Variants in EXOC4 observed in about 807,000 individuals in gnomAD.
EXOC4 encodes the protein exocyst complex component 4.
In EXOC4, 71 loss-of-function variants were observed where a neutral mutation model predicts 107.2. The observed-to-expected ratio is 0.66, with a 90% CI of 0.55 to 0.81. The LOEUF (loss-of-function observed/expected upper bound fraction) is 0.81, where lower values mean the gene tolerates loss of function less well. Among genes scored for constraint, EXOC4 ranks in the 30% least tolerant of loss-of-function variants. The pLI, the probability that EXOC4 is intolerant of heterozygous loss-of-function variation, is 0.00. For missense variants in EXOC4, 1,108 were observed against 1,189.6 expected, an observed-to-expected ratio of 0.93 and a Z score of 1.01; for synonymous variants, 456 against 441.2, an observed-to-expected ratio of 1.03 and a Z score of -0.42.
At chr7:133,706,317 G>T (rs772569178) in intron 10 of EXOC4, among the ~76,000 whole-genome samples, 2 of 152,084 alleles carry the variant, frequency 1.3e-5, no homozygotes, top group Non-Finnish European at 2.9e-5. Flanking sequence ...TACTTTATAA[G>T]AATTTACAAA....
Position 133,317,276 on chromosome 7 carries a change from C to T in EXOC4, c.657-8C>T, listed in dbSNP as rs1228712094. 3 of 1,601,800 alleles carry T rather than the reference C, an allele frequency of 1.9e-6. No homozygotes were observed. Among genetic ancestry groups the T allele is most frequent in the Middle Eastern group, 3.3e-4 (2 of 6,034 alleles). ...AAAGTGGTAACTAGTGCTTCTTTTC[C>T]CGTTCAGCTCCCTCGTGAAAGATGC... On this transcript the variant is annotated splice_region_variant and splice_polypyrimidine_tract_variant and intron_variant, in intron 4 of 17. Coordinates refer to ENST00000253861, the MANE Select transcript of EXOC4 (RefSeq NM_021807.4).
chr7:134,030,600 C>T (rs1795246110), intron 17 of EXOC4, among the ~76,000 whole-genome samples: 1 of 152,056 alleles, frequency 6.6e-6, no homozygotes, highest in Non-Finnish European at 1.5e-5. Context: ...GCATTTATTT[C>T]GTACAGATTT....
chr7:133,872,626 A>C (rs1798773493), intron 11 of EXOC4, among the ~76,000 whole-genome samples: 1 of 152,230 alleles, frequency 6.6e-6, no homozygotes, highest in Non-Finnish European at 1.5e-5. Context: ...AAAGAAAAAA[A>C]TGAGAAACCA....
chr7:134,023,722 A>G (rs900470706), intron 17 of EXOC4, among the ~76,000 whole-genome samples: 2 of 152,180 alleles, frequency 1.3e-5, no homozygotes, highest in African/African-American at 4.8e-5. Context: ...ATTTCAAGAA[A>G]ATGTACCACA....
chr7:133,329,310 G>A (rs62470952), intron 5 of EXOC4, among the ~76,000 whole-genome samples: 1 of 152,106 alleles, frequency 6.6e-6, no homozygotes, highest in Non-Finnish European at 1.5e-5. Flanking sequence ...CTTCTAGTTA[G>A]CCATTTGTCT....
chr7:133,931,598 A>T (rs1471401348), intron 13 of EXOC4, among the ~76,000 whole-genome samples: 2 of 152,242 alleles, frequency 1.3e-5, no homozygotes, highest in African/African-American at 4.8e-5. Context: ...ATGATAGAGA[A>T]ATTTTAAAGA....
At chr7:133,523,603 C>T (rs1289710240) in intron 9 of EXOC4, among the ~76,000 whole-genome samples, 3 of 151,918 alleles carry the variant, frequency 2.0e-5, no homozygotes, top group Non-Finnish European at 4.4e-5. Context: ...TTCCCCCACC[C>T]CACAACAGTC....
chr7:133,565,669 C>T (rs1385464882), intron 9 of EXOC4, among the ~76,000 whole-genome samples: 1 of 152,136 alleles, frequency 6.6e-6, no homozygotes, highest in East Asian at 1.9e-4. Flanking sequence ...TAAAATAATT[C>T]ACTGTTTATC....
At chr7:133,818,236 A>G (rs1477564402) in intron 11 of EXOC4, among the ~76,000 whole-genome samples, 4 of 152,216 alleles carry the variant, frequency 2.6e-5, no homozygotes, top group Non-Finnish European at 2.9e-5. Flanking sequence ...ATAGGTATAC[A>G]TTAACTATTA....
chr7:133,278,850 G>A (rs1334765832), intron 2 of EXOC4, among the ~76,000 whole-genome samples: 1 of 152,050 alleles, frequency 6.6e-6, no homozygotes, highest in African/African-American at 2.4e-5. Flanking sequence ...TTAAGTTTTA[G>A]GGTACATGTG....
intron 10 of EXOC4, among the ~76,000 whole-genome samples, chr7:133,775,093 A>G (rs1452075156): frequency 6.6e-6 from 1 of 152,188 alleles, no homozygotes; most frequent in African/African-American, 2.4e-5. Flanking sequence ...CAGTTTTTCA[A>G]AAAGGTAGAC....
intron 17 of EXOC4, among the ~76,000 whole-genome samples, chr7:134,045,015 A>T: frequency 6.6e-6 from 1 of 152,230 alleles, no homozygotes. Context: ...GTTATTGTTA[A>T]CTAGCCAGGT....
At chr7:133,522,685 G>A (rs555096937) in intron 9 of EXOC4, among the ~76,000 whole-genome samples, 11 of 152,260 alleles carry the variant, frequency 7.2e-5, no homozygotes, top group African/African-American at 2.4e-4. Flanking sequence ...GCACAGAGTA[G>A]TATGGAAAAG....
chr7:133,719,846 C>T (rs1795070829), intron 10 of EXOC4, among the ~76,000 whole-genome samples: 1 of 152,106 alleles, frequency 6.6e-6, no homozygotes, highest in African/African-American at 2.4e-5. Flanking sequence ...TCTTGTTCAA[C>T]ATTCTGTTTT....
At chr7:133,495,099 A>G (rs1266228673) in intron 9 of EXOC4, among the ~76,000 whole-genome samples, 1 of 152,040 alleles carries the variant, frequency 6.6e-6, no homozygotes, top group Non-Finnish European at 1.5e-5. Flanking sequence ...TGGTGAATAT[A>G]AAATTAGTTG....
chr7:133,424,550 C>G (rs182851834), intron 7 of EXOC4, among the ~76,000 whole-genome samples: 26 of 152,168 alleles, frequency 1.7e-4, no homozygotes, highest in Admixed American at 4.6e-4. Flanking sequence ...GTCAGCAAGA[C>G]CAAGAACCCA....
At position 134,036,335 on chromosome 7, in the gene EXOC4, C is replaced by A. The variant is rs1051422770; in HGVS notation, c.2688-27956C>A. 2.0e-5 allele frequency among the ~76,000 whole-genome samples: 3 copies of A among 152,202 alleles called. No individual in the cohort carries two copies. The East Asian group carries it at 5.8e-4, about 29-fold the overall frequency. ...GGGTGCAATGGCTCAAGCCTGTAAT[C>A]CCAGCACTTTGGGAGGCCAAGATGG... is the stretch of plus-strand genomic sequence containing the variant. On this transcript the variant is annotated intron_variant, in intron 17 of 17. Coordinates refer to ENST00000253861, the MANE Select transcript of EXOC4 (RefSeq NM_021807.4).
rs80344962 is a variant in EXOC4, at chr7:133,506,187, C to T, written c.1417+26049C>T. Among the ~76,000 whole-genome samples, 1,424 of 152,144 alleles carry T rather than the reference C, an allele frequency of 9.4e-3. 13 individuals carry two copies. Among genetic ancestry groups the T allele is most frequent in the Non-Finnish European group, 0.015 (987 of 67,964 alleles). On this transcript the variant is annotated intron_variant, in intron 9 of 17. Coordinates refer to ENST00000253861, the MANE Select transcript of EXOC4 (RefSeq NM_021807.4). ...TGAATAAATTAGGGAGGATATATTT[C>T]TTTAATATGATTGTTTTAAGTTGTA...
At chr7:133,738,529 A>G (rs141956290) in intron 10 of EXOC4, among the ~76,000 whole-genome samples, 7 of 152,320 alleles carry the variant, frequency 4.6e-5, no homozygotes, top group Non-Finnish European at 8.8e-5. Context: ...GCTGCATTCT[A>G]CGAGACATTC....
Sources: allele counts gnomAD v4.1 joint callset (sites outside exome capture counted in the v4.1 genomes callset), GRCh38; gene constraint gnomAD v4.1.1; transcripts MANE v1.5; gene names NCBI Gene and HGNC (gene_info 2026-07-23, HGNC 2026-07-21).